The following CNR1 variants were observed in gnomAD, a reference collection of about 807,000 sequenced individuals.
CNR1 encodes cannabinoid receptor 1 (brain).
In CNR1, 10 loss-of-function variants were observed where a neutral mutation model predicts 23.0. That is an observed-to-expected ratio of 0.43 (90% CI 0.27 to 0.74). The LOEUF (loss-of-function observed/expected upper bound fraction) is 0.74, where lower values mean the gene tolerates loss of function less well. CNR1 is among the 30% of genes least tolerant of loss of function. The probability of loss-of-function intolerance (pLI) is 0.19; values close to 1 mark genes in which losing one functional copy is unlikely to be tolerated. For missense variants in CNR1, 422 were observed against 618.8 expected (o/e 0.68, Z 3.37); for synonymous variants, 271 against 255.2 (o/e 1.06, Z -0.59).
intron 1 of CNR1, among the ~76,000 whole-genome samples, chr6:88,147,158 A>T (rs1004833220): frequency 3.2e-4 from 49 of 152,300 alleles, no homozygotes; most frequent in African/African-American, 6.7e-4. Context: ...AAAAAATTTT[A>T]AAAAAATTAG....
At position 88,152,171 on chromosome 6, in the gene CNR1, C is replaced by A. The variant is rs569900420; in HGVS notation, c.-63-6834G>T. Among the ~76,000 whole-genome samples the A allele has an allele frequency of 2.0e-5, 3 of 148,528 alleles. No homozygotes were observed. In the Admixed American group the frequency reaches 2.0e-4, roughly 10 times the overall value. ...CGGAGCTTGCAGTGAGCCGAGATCC[C>A]GCCACTGCACTCCAGCCTGGGCGAC... On this transcript the variant is annotated intron_variant, in intron 1 of 1. Coordinates refer to ENST00000369501, the MANE Select transcript of CNR1 (RefSeq NM_016083.6).
At chr6:88,145,724 CAT>C (rs1777144620) in intron 1 of CNR1, among the ~76,000 whole-genome samples, 1 of 152,230 alleles carries the variant, frequency 6.6e-6, no homozygotes, top group African/African-American at 2.4e-5. Flanking sequence ...GTCACACACA[CAT>C]GGTATCCCAG....
chr6:88,156,102 A>T (rs2057276), intron 1 of CNR1, among the ~76,000 whole-genome samples: 3,718 of 152,256 alleles, frequency 0.024, 89 homozygotes, highest in Admixed American at 0.087. Context: ...CCCATTCCTA[A>T]GTTCCTGGCT....
At chr6:88,147,178 G>T (rs971716247) in intron 1 of CNR1, among the ~76,000 whole-genome samples, 1 of 152,184 alleles carries the variant, frequency 6.6e-6, no homozygotes, top group African/African-American at 2.4e-5. Context: ...GCTGGGCATG[G>T]TGGCACGCCT....
At position 88,142,266 on chromosome 6, in the gene CNR1, C is replaced by T. The variant is rs928844796; in HGVS notation, c.*1590G>A. 1 of 152,388 alleles carries T rather than the reference C, an allele frequency of 6.6e-6. No homozygotes were observed. The highest frequency in any genetic ancestry group is 1.5e-5 in the Non-Finnish European group (1 of 68,062). The allele number at this position is 152,388 out of a possible 1,614,324, so 9.4% of individuals were successfully genotyped here. On this transcript the variant is annotated 3_prime_UTR_variant, in exon 2 of 2. Coordinates refer to ENST00000369501, the MANE Select transcript of CNR1 (RefSeq NM_016083.6). ...TCTTCACTGCCGTTGTGTGTCTCAT[C>T]CACTGTCTGATTCAGCTTTTTTAGC...
At chr6:88,166,623 C>G (rs1045337297), upstream of CNR1, among the ~76,000 whole-genome samples, 28 of 152,316 alleles carry the variant, frequency 1.8e-4, no homozygotes, top group Non-Finnish European at 3.4e-4. Flanking sequence ...CGGAGGCCCC[C>G]GCTGCCATGA....
chr6:88,154,918 A>T (rs1442982065), intron 1 of CNR1, among the ~76,000 whole-genome samples: 2 of 152,150 alleles, frequency 1.3e-5, no homozygotes, highest in Non-Finnish European at 2.9e-5. Flanking sequence ...CTAACAGAGA[A>T]CATACAAAGT....
Position 88,143,717 on chromosome 6 carries a change from T to A in CNR1, c.*139A>T, listed in dbSNP as rs768461849. 3 of 684,670 alleles carry A rather than the reference T, an allele frequency of 4.4e-6. No individual in the cohort carries two copies. The highest frequency in any genetic ancestry group is 7.6e-6 in the Non-Finnish European group (3 of 394,564). The allele number at this position is 684,670 out of a possible 1,614,324, so 42.4% of individuals were successfully genotyped here. On this transcript the variant is annotated 3_prime_UTR_variant, in exon 2 of 2. Coordinates refer to ENST00000369501, the MANE Select transcript of CNR1 (RefSeq NM_016083.6). Reference sequence around the variant, plus strand: ...AACTATGGAAACATTAGCAAACTGATAAGTGATCATGGTGACAATCACCTT... The same window carrying A: ...AACTATGGAAACATTAGCAAACTGAAAAGTGATCATGGTGACAATCACCTT...
Position 88,145,035 on chromosome 6 carries a change from T to C in CNR1, c.240A>G (p.Glu80=). 1 of 1,614,138 alleles carries C rather than the reference T, an allele frequency of 6.2e-7. No homozygotes were observed. Among genetic ancestry groups the C allele is most frequent in the African/African-American group, 1.3e-5 (1 of 75,052 alleles). The part of the protein sequence containing the change: ...LVPADQVNIT[E]FYNKSLSSFK... The stretch of plus-strand genomic sequence containing the variant: ...AGGACGAGAGAGACTTGTTGTAAAA[T>C]TCTGTAATGTTCACCTGGTCTGCTG... The change falls in exon 2 of 2, where the codon GAA becomes GAG. Residue 80 remains glutamate, a synonymous_variant. Transcript: ENST00000369501.
At position 88,141,232 on chromosome 6, in the gene CNR1, G is replaced by T. The variant is rs566259849; in HGVS notation, c.*2624C>A. On this transcript the variant is annotated 3_prime_UTR_variant, in exon 2 of 2. Coordinates refer to ENST00000369501, the MANE Select transcript of CNR1 (RefSeq NM_016083.6). ...GTTTTCGTCACTTGGGTTAAGAAAT[G>T]ATATGAAAAGTGTCAAAGTGAATCT... is the stretch of plus-strand genomic sequence containing the variant. 3.9e-5 allele frequency: 6 copies of T among 152,870 alleles called. No homozygotes were observed. Among genetic ancestry groups the T allele is most frequent in the African/African-American group, 1.4e-4 (6 of 41,564 alleles). 9.5% of individuals were successfully genotyped at this position (152,870 alleles called of 1,614,324 possible). A position where few individuals can be genotyped will look rare whatever the true frequency, so the allele number is the denominator to read the frequency against.
chr6:88,167,061 C>A (rs992839484), upstream of CNR1, among the ~76,000 whole-genome samples: 1 of 151,760 alleles, frequency 6.6e-6, no homozygotes, highest in Admixed American at 6.6e-5. Context: ...CCTTTCCCGG[C>A]GAGACCACTC....
intron 1 of CNR1, among the ~76,000 whole-genome samples, chr6:88,145,858 C>T (rs1273868931): frequency 6.6e-6 from 1 of 152,016 alleles, no homozygotes; most frequent in African/African-American, 2.4e-5. Context: ...AGTGTAGAAT[C>T]AAGTGATGAG....
chr6:88,148,021 G>T (rs1488005560), intron 1 of CNR1, among the ~76,000 whole-genome samples: 2 of 152,158 alleles, frequency 1.3e-5, no homozygotes, highest in African/African-American at 4.8e-5. Context: ...CCAGTAAAAA[G>T]TTTCCTGTGA....
At chr6:88,163,331 AGC>A (rs1778202529) in intron 1 of CNR1, among the ~76,000 whole-genome samples, 1 of 152,220 alleles carries the variant, frequency 6.6e-6, no homozygotes, top group Non-Finnish European at 1.5e-5. Flanking sequence ...ATTCCTGGAT[AGC>A]TAGTTATGGG....
rs1776867559 is a variant in CNR1 at position 88,142,299 on chromosome 6, G to C, written c.*1557C>G. Reference sequence around the variant, plus strand: ...TGATTCAGCTTTTTTAGCCACATGGGCTGGGTGTGATAGTCCTACTTTAAC... The same window carrying C: ...TGATTCAGCTTTTTTAGCCACATGGCCTGGGTGTGATAGTCCTACTTTAAC... On this transcript the variant is annotated 3_prime_UTR_variant, in exon 2 of 2. Coordinates refer to ENST00000369501, the MANE Select transcript of CNR1 (RefSeq NM_016083.6). 1 of 152,348 alleles carries C rather than the reference G, an allele frequency of 6.6e-6. No homozygotes were observed. The highest frequency in any genetic ancestry group is 1.5e-5 in the Non-Finnish European group (1 of 68,046). The allele number at this position is 152,348 out of a possible 1,614,324, so 9.4% of individuals were successfully genotyped here.
chr6:88,167,133 G>T (rs1391640761), upstream of CNR1, among the ~76,000 whole-genome samples: 1 of 151,928 alleles, frequency 6.6e-6, no homozygotes, highest in African/African-American at 2.4e-5. Context: ...GGCTGGCTCC[G>T]CGCCTCCCGG....
In CNR1 at chr6:88,140,573, T is replaced by C. The variant is rs1449549533; in HGVS notation, c.*3283A>G. The C allele has an allele frequency of 6.5e-6, 1 of 152,766 alleles. No individual in the cohort carries two copies. Among genetic ancestry groups the C allele is most frequent in the African/African-American group, 2.4e-5 (1 of 41,462 alleles). The allele number at this position is 152,766 out of a possible 1,614,324, so 9.5% of individuals were successfully genotyped here. The stretch of plus-strand genomic sequence containing the variant: ...CCATTGCCCAGCATTTAGGAGATTT[T>C]AAAATATCATACAAATATACAGTTA... On this transcript the variant is annotated 3_prime_UTR_variant, in exon 2 of 2. Transcript: ENST00000369501.
rs979080122 is a variant in CNR1 at position 88,149,666 on chromosome 6, T to C, written c.-63-4329A>G. On this transcript the variant is annotated intron_variant, in intron 1 of 1. Transcript: ENST00000369501. Reference sequence around the variant, plus strand: ...CGTCATACCTGCACACCTTCCTCCTTCACCTTGTCCCTTCTTTTATCTGGA... The same window carrying C: ...CGTCATACCTGCACACCTTCCTCCTCCACCTTGTCCCTTCTTTTATCTGGA... Among the ~76,000 whole-genome samples, 8 of 152,314 alleles carry C rather than the reference T, an allele frequency of 5.3e-5. No homozygotes were observed. In the South Asian group the frequency reaches 1.2e-3, roughly 24 times the overall value.
intron 1 of CNR1, among the ~76,000 whole-genome samples, chr6:88,161,843 T>G (rs1257409863): frequency 6.6e-6 from 1 of 152,226 alleles, no homozygotes; most frequent in African/African-American, 2.4e-5. Flanking sequence ...TCCTATAGTT[T>G]TAACTCACTT....
Sources: allele counts gnomAD v4.1 joint callset (sites outside exome capture counted in the v4.1 genomes callset), GRCh38; gene constraint gnomAD v4.1.1; transcripts MANE v1.5; gene names NCBI Gene and HGNC (gene_info 2026-07-23, HGNC 2026-07-21).